The following COPG2 variants were observed in gnomAD, a reference collection of about 807,000 sequenced individuals.
COPG2 encodes the protein coat protein complex I subunit gamma 2, also known as coatomer subunit gamma-2.
In COPG2, 37 loss-of-function variants were observed where a neutral mutation model predicts 46.3. That is an observed-to-expected ratio of 0.80 (90% CI 0.61 to 1.05). The LOEUF (loss-of-function observed/expected upper bound fraction) is 1.05. COPG2 is among the 50% of genes least tolerant of loss of function. COPG2 has a pLI of 0.00. For missense variants in COPG2, 427 were observed against 387.8 expected (o/e 1.10, Z -0.85); for synonymous variants, 159 against 129.7 (o/e 1.23, Z -1.53).
chr7:130,513,710 C>T (rs947060386), intron 20 of COPG2, among the ~76,000 whole-genome samples: 3 of 151,968 alleles, frequency 2.0e-5, no homozygotes, highest in Non-Finnish European at 4.4e-5. Context: ...CTATGAAGGT[C>T]TGGAATGAAC....
intron 9 of COPG2, among the ~76,000 whole-genome samples, chr7:130,602,189 T>C (rs183106673): frequency 3.5e-4 from 54 of 152,316 alleles, no homozygotes; most frequent in African/African-American, 1.3e-3. Context: ...AGATAACACA[T>C]ACAGTTACAC....
In COPG2 at chr7:130,555,123, C is replaced by T; in HGVS notation, c.1138G>A (p.Val380Ile). 1 of 398,452 alleles carries T rather than the reference C, an allele frequency of 2.5e-6. No homozygotes were observed. Among genetic ancestry groups the T allele is most frequent in the Non-Finnish European group, 4.4e-6 (1 of 225,978 alleles). 24.7% of individuals were successfully genotyped at this position (398,452 alleles called of 1,614,324 possible). Residue 380 changes from valine (V) to isoleucine (I), a missense_variant, in exon 13 of 24, where the codon GTA becomes ATA. Val to Ile is a conservative substitution (Grantham distance 29). Transcript: ENST00000425248. ...TGACAGAGAGCACTAATTGCCTGTA[C>T]AACCACCACCTGTAGAAAAACAAAA... ...EISDEFKVVV[V>I]QAISALCQKY...
chr7:130,510,872 A>G (rs375946170), intron 20 of COPG2: 234 of 515,956 alleles, frequency 4.5e-4, no homozygotes, highest in South Asian at 1.1e-3. Context: ...ATGGCAAGAA[A>G]ATACTGAATG....
chr7:130,659,720 T>C (rs1473790351), intron 4 of COPG2, among the ~76,000 whole-genome samples: 3 of 152,170 alleles, frequency 2.0e-5, no homozygotes, highest in Non-Finnish European at 4.4e-5. Flanking sequence ...GAGACCATCC[T>C]GGCCAACATG....
At chr7:130,620,531 T>G (rs181597683) in intron 5 of COPG2, among the ~76,000 whole-genome samples, 23 of 152,364 alleles carry the variant, frequency 1.5e-4, no homozygotes, top group African/African-American at 5.3e-4. Flanking sequence ...CTGGTGCTAG[T>G]GACTCTTTTC....
rs1799488965 is a variant in COPG2 at position 130,506,510 on chromosome 7, C to CGCAAAGA, written c.*159_*165dup. 1 of 452,626 alleles carries CGCAAAGA rather than the reference C, an allele frequency of 2.2e-6. No homozygotes were observed. Among genetic ancestry groups the CGCAAAGA allele is most frequent in the Non-Finnish European group, 3.9e-6 (1 of 255,608 alleles). The allele number at this position is 452,626 out of a possible 1,614,324, so 28.0% of individuals were successfully genotyped here. ...GAAAAAAAAAAAAAAACAACCCATGCGCAAAGATAGACATTTGCTTGATCT... is the reference window on the plus strand; with the variant it reads ...GAAAAAAAAAAAAAAACAACCCATGCGCAAAGAGCAAAGATAGACATTTGCTTGATCT... On this transcript the variant is annotated 3_prime_UTR_variant, in exon 24 of 24. Coordinates refer to ENST00000425248, the MANE Select transcript of COPG2 (RefSeq NM_012133.6).
At chr7:130,571,522 G>C (rs891781614) in intron 9 of COPG2, among the ~76,000 whole-genome samples, 1 of 152,072 alleles carries the variant, frequency 6.6e-6, no homozygotes, top group African/African-American at 2.4e-5. Flanking sequence ...CTGCAAGAAT[G>C]GCCATAATTA....
chr7:130,579,543 C>T (rs1268543659), intron 9 of COPG2, among the ~76,000 whole-genome samples: 2 of 152,036 alleles, frequency 1.3e-5, no homozygotes, highest in Non-Finnish European at 2.9e-5. Flanking sequence ...AATTAAAAGA[C>T]ACAGACTGGC....
At chr7:130,637,495 T>C (rs1043997508) in intron 5 of COPG2, among the ~76,000 whole-genome samples, 5 of 152,218 alleles carry the variant, frequency 3.3e-5, no homozygotes, top group Admixed American at 6.5e-5. Context: ...TCCGATATCC[T>C]TTCTTCCACT....
Position 130,607,868 on chromosome 7 carries a change from T to C in COPG2, c.737+3085A>G, listed in dbSNP as rs946554108. 19 of 510,574 alleles carry C rather than the reference T, an allele frequency of 3.7e-5. 1 individual carries two copies. The highest frequency in any genetic ancestry group is 3.6e-4 in the Admixed American group (18 of 49,328). The allele number at this position is 510,574 out of a possible 1,614,324, so 31.6% of individuals were successfully genotyped here. A position where few individuals can be genotyped will look rare whatever the true frequency, so the allele number is the denominator to read the frequency against. On this transcript the variant is annotated intron_variant, in intron 9 of 23. Coordinates refer to ENST00000425248, the MANE Select transcript of COPG2 (RefSeq NM_012133.6). ...AAAACCCCACAAATTTCACCCAGTA[T>C]AGCTTTTGTCTTTCAGGCATCAACT...
intron 5 of COPG2, among the ~76,000 whole-genome samples, chr7:130,622,711 A>G (rs1220768100): frequency 1.3e-5 from 2 of 151,972 alleles, no homozygotes; most frequent in African/African-American, 4.8e-5. Context: ...TTCCTTCCCC[A>G]CTGGCCAGCA....
chr7:130,587,586 C>T (rs1270827306), intron 9 of COPG2, among the ~76,000 whole-genome samples: 1 of 152,172 alleles, frequency 6.6e-6, no homozygotes, highest in Non-Finnish European at 1.5e-5. Flanking sequence ...AACTGGCTAG[C>T]CATATGTAGA....
At chr7:130,547,092 G>A (rs1297728885) in intron 20 of COPG2, 1 of 152,126 alleles carries the variant, frequency 6.6e-6, no homozygotes, top group Non-Finnish European at 1.5e-5. Flanking sequence ...CTGTCTTTTA[G>A]GGGCTATTTC....
intron 20 of COPG2, among the ~76,000 whole-genome samples, chr7:130,513,394 T>G (rs1799643854): frequency 7.4e-6 from 1 of 135,826 alleles, no homozygotes; most frequent in Non-Finnish European, 1.6e-5. Flanking sequence ...TGTGTGTATA[T>G]ATATATATAC....
chr7:130,506,486 A>AAAG lies in COPG2; in HGVS notation c.*189_*190insCTT. 1.7e-5 allele frequency: 1 copy of AAAG among 59,230 alleles called. No individual in the cohort carries two copies. Among genetic ancestry groups the AAAG allele is most frequent in the Non-Finnish European group, 4.8e-5 (1 of 20,924 alleles). The allele number at this position is 59,230 out of a possible 1,614,324, so 3.7% of individuals were successfully genotyped here. A position where few individuals can be genotyped will look rare whatever the true frequency, so the allele number is the denominator to read the frequency against. On this transcript the variant is annotated 3_prime_UTR_variant, in exon 24 of 24. Transcript: ENST00000425248. Reference sequence around the variant, plus strand: ...AAAGCTGACCAAGTAGAATAAAAAGAAAAAAAAAAAAAAACAACCCATGCG... The same window carrying AAAG: ...AAAGCTGACCAAGTAGAATAAAAAGAAAGAAAAAAAAAAAAAACAACCCATGCG...
chr7:130,531,038 G>A lies in COPG2; in HGVS notation c.2149+16636C>T, dbSNP rs946702896. Among the ~76,000 whole-genome samples the A allele has an allele frequency of 8.8e-5, 13 of 147,086 alleles. No homozygotes were observed. The East Asian group carries it at 2.6e-3, about 30-fold the overall frequency. On this transcript the variant is annotated intron_variant, in intron 20 of 23. Coordinates refer to ENST00000425248, the MANE Select transcript of COPG2 (RefSeq NM_012133.6). ...AATCTTGGGCCAGGCTCTTTACTAC[G>A]GATCCGGTGGGGAAGGGTGGGTGGT...
intron 20 of COPG2, among the ~76,000 whole-genome samples, chr7:130,539,910 G>T (rs1004408562): frequency 3.3e-5 from 5 of 152,170 alleles, no homozygotes; most frequent in African/African-American, 1.2e-4. Context: ...CAGGGGAAGG[G>T]AAAGTGTGAA....
intron 20 of COPG2, among the ~76,000 whole-genome samples, chr7:130,517,033 C>T (rs1336616451): frequency 1.3e-5 from 2 of 152,008 alleles, no homozygotes; most frequent in East Asian, 3.8e-4. Context: ...AAGAATGACA[C>T]ACAGGTGACA....
intron 10 of COPG2, among the ~76,000 whole-genome samples, chr7:130,563,902 T>C (rs1793760680): frequency 6.6e-6 from 1 of 151,658 alleles, no homozygotes; most frequent in Admixed American, 6.6e-5. Flanking sequence ...ATATTGACAG[T>C]TCTGAAAACA....
Sources: gnomAD v4.1 joint callset for allele counts (sites outside exome capture counted in the v4.1 genomes callset) on GRCh38, gnomAD v4.1.1 for gene constraint, MANE v1.5 for transcripts, NCBI Gene and HGNC (gene_info 2026-07-23, HGNC 2026-07-21) for gene names.